The following CDH9 variants were observed in gnomAD, a reference collection of about 807,000 sequenced individuals.
The protein encoded by CDH9 is cadherin 9, also known as cadherin-9.
A neutral mutation model predicts 70.9 loss-of-function variants in CDH9; 28 were observed. The observed-to-expected ratio is 0.40, with a 90% CI of 0.29 to 0.54. The LOEUF is 0.54. Ranked by LOEUF, CDH9 falls within the 20% of genes least tolerant of loss-of-function variation. The pLI is 0.59. For missense variants in CDH9, 874 were observed against 984.4 expected (o/e 0.89, Z 1.50); for synonymous variants, 409 against 343.1 (o/e 1.19, Z -2.12).
rs1328850588 is a variant in CDH9 at position 26,885,802 on chromosome 5, A to G, written c.1694T>C (p.Leu565Ser). Residue 565 changes from leucine (L) to serine (S), a missense_variant, in exon 11 of 12, where the codon TTA (leucine) becomes TCA (serine). By Grantham distance (145) the Leu-to-Ser change is moderately radical. Coordinates refer to ENST00000231021, the MANE Select transcript of CDH9 (RefSeq NM_016279.4). ...GTTGTCAAAGATTAAAATCGGCAATAAGTAGGTGCTCATTTTGTTGCGACT... is the reference window on the plus strand; with the variant it reads ...GTTGTCAAAGATTAAAATCGGCAATGAGTAGGTGCTCATTTTGTTGCGACT... ...GYSRNKMSTY[L>S]LPILIFDNDY... 2 of 1,613,856 alleles carry G rather than the reference A, an allele frequency of 1.2e-6. No homozygotes were observed. Among genetic ancestry groups the G allele is most frequent in the South Asian group, 1.1e-5 (1 of 91,076 alleles).
intron 1 of CDH9, among the ~76,000 whole-genome samples, chr5:27,010,491 T>A (rs1742937411): frequency 6.6e-6 from 1 of 152,168 alleles, no homozygotes; most frequent in Non-Finnish European, 1.5e-5. Flanking sequence ...GTCAAAAGAC[T>A]TTCTAAACTT....
chr5:26,947,699 G>A (rs1255510809), intron 2 of CDH9, among the ~76,000 whole-genome samples: 1 of 152,128 alleles, frequency 6.6e-6, no homozygotes, highest in Admixed American at 6.5e-5. Context: ...ACGAAGAAAT[G>A]CTGTTTTAGA....
At chr5:27,030,870 A>T (rs1029258458) in intron 1 of CDH9, among the ~76,000 whole-genome samples, 1 of 151,868 alleles carries the variant, frequency 6.6e-6, no homozygotes, top group African/African-American at 2.4e-5. Flanking sequence ...TTACATCTAG[A>T]TATAATTATA....
At chr5:26,950,937 G>GT (rs1273316494) in intron 2 of CDH9, among the ~76,000 whole-genome samples, 1 of 152,118 alleles carries the variant, frequency 6.6e-6, no homozygotes, top group East Asian at 1.9e-4. Context: ...AAGCAAGAGG[G>GT]TAGACTGAGA....
chr5:27,017,677 T>C (rs1008803831), intron 1 of CDH9, among the ~76,000 whole-genome samples: 2 of 152,054 alleles, frequency 1.3e-5, no homozygotes, highest in Non-Finnish European at 2.9e-5. Context: ...TAAAGTATGC[T>C]AAATTTTCCA....
intron 1 of CDH9, among the ~76,000 whole-genome samples, chr5:27,004,427 A>G (rs1742824487): frequency 6.6e-6 from 1 of 152,172 alleles, no homozygotes; most frequent in African/African-American, 2.4e-5. Flanking sequence ...TCTAAATCAC[A>G]TAAGGATTTG....
intron 2 of CDH9, among the ~76,000 whole-genome samples, chr5:26,968,690 TATA>T (rs1742168512): frequency 6.6e-6 from 1 of 152,166 alleles, no homozygotes; most frequent in Non-Finnish European, 1.5e-5. Context: ...ATGATATTAA[TATA>T]ATAAGCATTT....
intron 1 of CDH9, among the ~76,000 whole-genome samples, chr5:26,997,415 T>C (rs935395088): frequency 6.6e-6 from 1 of 152,176 alleles, no homozygotes; most frequent in African/African-American, 2.4e-5. Flanking sequence ...TGCAAAGATG[T>C]CCATCTTGGA....
At chr5:26,973,887 G>T (rs766133124) in intron 2 of CDH9, among the ~76,000 whole-genome samples, 1 of 152,034 alleles carries the variant, frequency 6.6e-6, no homozygotes, top group Non-Finnish European at 1.5e-5. Context: ...TGCATAGTAT[G>T]TTTTAAAACT....
At chr5:27,036,989 T>A (rs1743404726) in intron 1 of CDH9, among the ~76,000 whole-genome samples, 1 of 152,002 alleles carries the variant, frequency 6.6e-6, no homozygotes. Context: ...ATTAGCCAGT[T>A]TTATAGTTGC....
chr5:26,974,485 G>T (rs567712627), intron 2 of CDH9, among the ~76,000 whole-genome samples: 3 of 152,192 alleles, frequency 2.0e-5, no homozygotes, highest in Admixed American at 2.0e-4. Flanking sequence ...TTATAGTCCT[G>T]TGCTCAAAGA....
At chr5:26,939,695 T>C (rs1741624634) in intron 2 of CDH9, among the ~76,000 whole-genome samples, 1 of 152,024 alleles carries the variant, frequency 6.6e-6, no homozygotes, top group Non-Finnish European at 1.5e-5. Context: ...ACTTAGAAAA[T>C]ATAAAAAACA....
At chr5:26,906,482 T>C (rs1740950828) in intron 4 of CDH9, among the ~76,000 whole-genome samples, 1 of 152,178 alleles carries the variant, frequency 6.6e-6, no homozygotes. Context: ...CTGTGAAATT[T>C]TGTATTTAGT....
intron 1 of CDH9, among the ~76,000 whole-genome samples, chr5:27,002,347 T>G (rs943570570): frequency 6.6e-6 from 1 of 152,162 alleles, no homozygotes; most frequent in African/African-American, 2.4e-5. Flanking sequence ...TCAACCATTG[T>G]GGAAGACAGT....
Position 26,903,664 on chromosome 5 carries a change from T to C in CDH9, c.972A>G (p.Thr324=). 1.2e-6 allele frequency: 2 copies of C among 1,608,782 alleles called. No individual in the cohort carries two copies. The highest frequency in any genetic ancestry group is 1.7e-6 in the Non-Finnish European group (2 of 1,175,274). ...GTTTGACAGTTATAATCCCTTCCTG[T>C]GTATCCTTGTCAGTGATGACATCGA... The part of the protein sequence containing the change: ...DMFDVITDKD[T]QEGIITVKQN... The change falls in exon 6 of 12, where the codon ACA becomes ACG. Residue 324 remains threonine, a synonymous_variant. Coordinates refer to ENST00000231021, the MANE Select transcript of CDH9 (RefSeq NM_016279.4).
chr5:26,935,938 A>G (rs919978313), intron 2 of CDH9, among the ~76,000 whole-genome samples: 5 of 152,308 alleles, frequency 3.3e-5, no homozygotes, highest in African/African-American at 1.2e-4. Flanking sequence ...GAATGAAATA[A>G]TGTCTTTCAC....
chr5:26,937,242 A>G (rs1429718393), intron 2 of CDH9, among the ~76,000 whole-genome samples: 1 of 152,168 alleles, frequency 6.6e-6, no homozygotes, highest in East Asian at 1.9e-4. Flanking sequence ...CAAAGAAGAC[A>G]CACATGGCAA....
rs143861823 is a variant in CDH9, at chr5:26,961,369, A to G, written c.228+26737T>C. ...TCTTTTGAATTTATTCTTCCTAAAT[A>G]AAATTTTGTATTCTTGGGCCAACAT... On this transcript the variant is annotated intron_variant, in intron 2 of 11. Transcript: ENST00000231021. 7.5e-3 allele frequency among the ~76,000 whole-genome samples: 1,136 copies of G among 152,260 alleles called. 17 individuals are homozygous for G. The highest frequency in any genetic ancestry group is 0.026 in the African/African-American group (1,073 of 41,546).
At chr5:26,987,847 T>A (rs989228795) in intron 2 of CDH9, among the ~76,000 whole-genome samples, 7 of 152,092 alleles carry the variant, frequency 4.6e-5, no homozygotes, top group Non-Finnish European at 8.8e-5. Context: ...TATGATTAAA[T>A]AATATCTAGC....
Sources: allele counts gnomAD v4.1 joint callset (sites outside exome capture counted in the v4.1 genomes callset), GRCh38; gene constraint gnomAD v4.1.1; transcripts MANE v1.5; gene names NCBI Gene and HGNC (gene_info 2026-07-23, HGNC 2026-07-21).